The following CCDC92 variants were observed in gnomAD, a reference collection of about 807,000 sequenced individuals.
CCDC92 encodes the protein coiled-coil domain containing 92, also known as coiled-coil domain-containing protein 92.
Under a neutral mutation model 24.9 loss-of-function variants are expected in CCDC92, and 12 were observed. The observed-to-expected ratio is 0.48, with a 90% CI of 0.31 to 0.78. The LOEUF (loss-of-function observed/expected upper bound fraction) is 0.78, where lower values mean the gene tolerates loss of function less well. CCDC92 is among the 30% of genes least tolerant of loss of function. The probability of loss-of-function intolerance (pLI) is 0.05; values close to 1 mark genes in which losing one functional copy is unlikely to be tolerated. For missense variants in CCDC92, 399 were observed against 439.4 expected (o/e 0.91, Z 0.82); for synonymous variants, 193 against 196.3 (o/e 0.98, Z 0.14).
Position 123,937,682 on chromosome 12 carries a change from C to T in CCDC92, c.372G>A (p.Lys124=). The change falls in exon 5 of 5, where the codon AAG becomes AAA. Residue 124 remains lysine (K), a synonymous_variant. Coordinates refer to ENST00000238156, the MANE Select transcript of CCDC92 (RefSeq NM_025140.3). This position sits in a 1 kb window ranked among gnomAD's most constrained non-coding sequence, Gnocchi z 8.4. Reference sequence around the variant, plus strand: ...CCTCCAGGTACTTCTTCTCTCGCTCCTTGATGGTGTTCTCCAGCACTGTGA... The same window carrying T: ...CCTCCAGGTACTTCTTCTCTCGCTCTTTGATGGTGTTCTCCAGCACTGTGA... ...AMITVLENTI[K]EREKKYLEEL... The T allele has an allele frequency of 1.2e-6, 2 of 1,614,132 alleles. No homozygotes were observed. Among genetic ancestry groups the T allele is most frequent in the Non-Finnish European group, 1.7e-6 (2 of 1,180,042 alleles).
chr12:123,938,243 T>C (rs894331463), intron 4 of CCDC92, among the ~76,000 whole-genome samples: 2 of 152,188 alleles, frequency 1.3e-5, no homozygotes, highest in African/African-American at 4.8e-5. Flanking sequence ...GAATTATCCA[T>C]GTCTATTGAA....
rs1281728141 is a variant in CCDC92 at position 123,937,272 on chromosome 12, C to T, written c.782G>A (p.Arg261Lys). 1.2e-6 allele frequency: 2 copies of T among 1,612,214 alleles called. No individual in the cohort carries two copies. Among genetic ancestry groups the T allele is most frequent in the African/African-American group, 2.7e-5 (2 of 74,906 alleles). The change falls in exon 5 of 5, where the codon AGG becomes AAG. Residue 261 changes from arginine (R) to lysine (K), a missense_variant. Physicochemically the swap from Arg to Lys is conservative, Grantham distance 26. Coordinates refer to ENST00000238156, the MANE Select transcript of CCDC92 (RefSeq NM_025140.3). The surrounding 1 kb of genome is among the most constrained non-coding windows in gnomAD (Gnocchi z 8.4). ...GGCGATGGGGGGGATGACGAGGGGCCTCTCTTTGATGAGGTGGACCTCGGC... is the reference window on the plus strand; with the variant it reads ...GGCGATGGGGGGGATGACGAGGGGCTTCTCTTTGATGAGGTGGACCTCGGC... ...ESAEVHLIKE[R>K]PLVIPPIASD...
chr12:123,951,238 A>T (rs1351675101), intron 1 of CCDC92, among the ~76,000 whole-genome samples: 1 of 152,196 alleles, frequency 6.6e-6, no homozygotes, highest in Non-Finnish European at 1.5e-5. Flanking sequence ...GTCAAAAAGC[A>T]CCTCAGCAGC....
chr12:123,966,840 G>A (rs1315560425), intron 1 of CCDC92, among the ~76,000 whole-genome samples: 2 of 152,184 alleles, frequency 1.3e-5, no homozygotes, highest in African/African-American at 4.8e-5. Context: ...GAATTAGCCA[G>A]TCGTCATCCA....
At position 123,940,269 on chromosome 12, in the gene CCDC92, C is replaced by G. The variant is rs544864651; in HGVS notation, c.224-2439G>C. 3.3e-5 allele frequency among the ~76,000 whole-genome samples: 5 copies of G among 152,274 alleles called. No homozygotes were observed. The South Asian group carries it at 1.0e-3, about 32-fold the overall frequency. ...CCTGCCCAAGGCCACACAGCCCCTC[C>G]GAGTCAGAGCAGAGGCCCAAATCTG... On this transcript the variant is annotated intron_variant, in intron 4 of 4. Transcript: ENST00000238156.
chr12:123,972,381 C>T (rs1012403009), intron 1 of CCDC92, 148 bp downstream of exon 1: 1 of 152,158 alleles, frequency 6.6e-6, no homozygotes, highest in African/African-American at 2.4e-5. Flanking sequence ...GACCCCGTCC[C>T]CCGTCTCCCG....
In CCDC92 at chr12:123,936,850, T is replaced by C. The variant is rs983389578; in HGVS notation, c.*208A>G. On this transcript the variant is annotated 3_prime_UTR_variant, in exon 5 of 5. Transcript: ENST00000238156. ...GCAAGCGATTCGGCACACAGGCGTT[T>C]GGCCACAGCAATTAGGAAATACATA... 22 of 635,778 alleles carry C rather than the reference T, an allele frequency of 3.5e-5. No individual in the cohort carries two copies. The Admixed American group carries it at 6.3e-4, about 18-fold the overall frequency. 39.4% of individuals were successfully genotyped at this position (635,778 alleles called of 1,614,324 possible).
intron 1 of CCDC92, among the ~76,000 whole-genome samples, chr12:123,968,847 A>T (rs1956454359): frequency 6.6e-6 from 1 of 152,280 alleles, no homozygotes. Context: ...AGAACGAGAG[A>T]GTAACTACTT....
intron 1 of CCDC92, among the ~76,000 whole-genome samples, chr12:123,965,174 T>C (rs1382961258): frequency 1.3e-5 from 2 of 152,216 alleles, no homozygotes; most frequent in African/African-American, 4.8e-5. Flanking sequence ...CAATTTTAAA[T>C]CGCTAAATAT....
chr12:123,972,655 C>T lies in CCDC92; in HGVS notation c.-186G>A, dbSNP rs1177276912. On this transcript the variant is annotated 5_prime_UTR_variant, in exon 1 of 5. Coordinates refer to ENST00000238156, the MANE Select transcript of CCDC92 (RefSeq NM_025140.3). The stretch of plus-strand genomic sequence containing the variant: ...CGCGGCGGGCGGGGCTGCCTGGGCT[C>T]GGGCGCTGCCCGGGCCGGGCCGCCG... The T allele has an allele frequency of 6.8e-6, 1 of 146,484 alleles. No homozygotes were observed. Among genetic ancestry groups the T allele is most frequent in the Admixed American group, 6.7e-5 (1 of 14,822 alleles). 9.1% of individuals were successfully genotyped at this position (146,484 alleles called of 1,614,324 possible).
chr12:123,958,657 T>C (rs1956205545), intron 1 of CCDC92, among the ~76,000 whole-genome samples: 1 of 152,238 alleles, frequency 6.6e-6, no homozygotes, highest in South Asian at 2.1e-4. Flanking sequence ...GTAATGCTGC[T>C]GCTGACCTCC....
intron 4 of CCDC92, among the ~76,000 whole-genome samples, chr12:123,939,976 T>C (rs1174188832): frequency 6.6e-6 from 1 of 152,236 alleles, no homozygotes; most frequent in Non-Finnish European, 1.5e-5. Flanking sequence ...CAGTGGGCCT[T>C]GGGCTCCTTC....
chr12:123,939,792 CTG>C (rs1193842563), intron 4 of CCDC92, among the ~76,000 whole-genome samples: 1 of 152,220 alleles, frequency 6.6e-6, no homozygotes, highest in Non-Finnish European at 1.5e-5. Context: ...ACACACGACT[CTG>C]TAGACACTGT....
Position 123,937,379 on chromosome 12 carries a change from C to A in CCDC92, c.675G>T (p.Gly225=), listed in dbSNP as rs1378732699. The A allele has an allele frequency of 5.6e-6, 9 of 1,613,930 alleles. No individual in the cohort carries two copies. The highest frequency in any genetic ancestry group is 7.6e-6 in the Non-Finnish European group (9 of 1,180,044). ...HPEFEEVYRF[G]AESRKLLLRE... is the part of the protein sequence containing the mutation. ...GCAAAAGGAGTTTCCTGCTCTCTGC[C>A]CCGAATCTGTAGACCTCTTCAAATT... Residue 225 remains glycine (G), a synonymous_variant, in exon 5 of 5, where the codon GGG becomes GGT. Coordinates refer to ENST00000238156, the MANE Select transcript of CCDC92 (RefSeq NM_025140.3). This position sits in a 1 kb window ranked among gnomAD's most constrained non-coding sequence, Gnocchi z 8.4.
chr12:123,969,998 G>A (rs1230256451), intron 1 of CCDC92: 2 of 152,104 alleles, frequency 1.3e-5, no homozygotes, highest in Admixed American at 6.5e-5. Context: ...CATTGAATTC[G>A]AGAGTGCTTT....
intron 1 of CCDC92, among the ~76,000 whole-genome samples, chr12:123,961,651 G>A (rs1340750579): frequency 2.0e-5 from 3 of 152,214 alleles, no homozygotes; most frequent in Admixed American, 6.5e-5. Context: ...TAGTCCGGCA[G>A]GGACGATGCA....
chr12:123,940,607 T>G (rs1022364548), intron 4 of CCDC92, among the ~76,000 whole-genome samples: 2 of 152,252 alleles, frequency 1.3e-5, no homozygotes, highest in African/African-American at 4.8e-5. Context: ...CCACTCCACC[T>G]CCTCCTCTGT....
chr12:123,945,144 T>C (rs1353955852), intron 1 of CCDC92: 2 of 152,188 alleles, frequency 1.3e-5, no homozygotes, highest in Non-Finnish European at 2.9e-5. Context: ...AAGGCGACCA[T>C]TTCTAGGCAT....
Position 123,943,358 on chromosome 12 carries a change from T to C in CCDC92, c.170A>G (p.Gln57Arg), listed in dbSNP as rs2137925105. Residue 57 changes from glutamine to arginine, a missense_variant, in exon 3 of 5, where the codon CAG becomes CGG. Transcript: ENST00000238156. ...GCTCCCCGATGTACCTGTGCAGTGC[T>C]GCTGCAGCCGCCTGATCTCGGAGTG... The part of the protein sequence containing the change: ...GLHSEIRRLQ[Q>R]HCTDLTYELT... 6.2e-7 allele frequency: 1 copy of C among 1,613,394 alleles called. No individual in the cohort carries two copies. Among genetic ancestry groups the C allele is most frequent in the East Asian group, 2.2e-5 (1 of 44,874 alleles).
Sources: allele counts gnomAD v4.1 joint callset (sites outside exome capture counted in the v4.1 genomes callset), GRCh38; gene constraint gnomAD v4.1.1; non-coding constraint Gnocchi (gnomAD v3.1); transcripts MANE v1.5; gene names NCBI Gene and HGNC (gene_info 2026-07-23, HGNC 2026-07-21).